The following PACRG variants were observed in gnomAD, a reference collection of about 807,000 sequenced individuals.
PACRG encodes parkin coregulated.
Under a neutral mutation model 29.7 loss-of-function variants are expected in PACRG, and 29 were observed. The ratio of observed to expected loss-of-function variants is 0.98; its 90% CI spans 0.73 to 1.33. The LOEUF (loss-of-function observed/expected upper bound fraction) is 1.33. Among genes scored for constraint, PACRG ranks in the 40% most tolerant of loss-of-function variants. The pLI, the probability that PACRG is intolerant of heterozygous loss-of-function variation, is 0.00. For synonymous variants in PACRG, 116 were observed against 118.7 expected (o/e 0.98, Z 0.15); for missense variants, 279 against 316.2 (o/e 0.88, Z 0.89).
intron 4 of PACRG, among the ~76,000 whole-genome samples, chr6:163,155,941 C>T (rs1313817532): frequency 6.6e-6 from 1 of 152,220 alleles, no homozygotes; most frequent in Non-Finnish European, 1.5e-5. Flanking sequence ...ATGTCCTTTC[C>T]CCTCTTTTCT....
intron 1 of PACRG, among the ~76,000 whole-genome samples, chr6:162,765,963 AT>A (rs1353586481): frequency 6.6e-6 from 1 of 152,160 alleles, no homozygotes; most frequent in Non-Finnish European, 1.5e-5. Flanking sequence ...ATATTTGTGT[AT>A]ACTTACAGAG....
intron 4 of PACRG, among the ~76,000 whole-genome samples, chr6:163,220,946 C>G (rs144318633): frequency 6.6e-6 from 1 of 152,278 alleles, no homozygotes; most frequent in East Asian, 1.9e-4. Flanking sequence ...GCAACTTGGG[C>G]TCTGCATCAC....
At chr6:163,262,769 C>T (rs1783376010) in intron 4 of PACRG, among the ~76,000 whole-genome samples, 2 of 151,780 alleles carry the variant, frequency 1.3e-5, no homozygotes, top group Non-Finnish European at 2.9e-5. Context: ...AGGCCAGGTG[C>T]AGTGGCTCAC....
chr6:163,004,739 C>T (rs201246782), intron 2 of PACRG, among the ~76,000 whole-genome samples: 2,367 of 62,852 alleles, frequency 0.038, 89 homozygotes, highest in East Asian at 0.36. Flanking sequence ...TATATATATA[C>T]ACACACACAC....
intron 2 of PACRG, among the ~76,000 whole-genome samples, chr6:163,020,818 G>T (rs73591714): frequency 0.022 from 3,378 of 152,156 alleles, 123 homozygotes; most frequent in African/African-American, 0.077. Flanking sequence ...TTGGAAGGAA[G>T]AGCTGTAGCC....
In PACRG at chr6:163,146,890, T is replaced by G. The variant is rs1324979223; in HGVS notation, c.613+57482T>G. Reference sequence around the variant, plus strand: ...CATTTTCACAATATTCCTCTGAAAATGTAGGCAATATTATGCCACCTTGCG... The same window carrying G: ...CATTTTCACAATATTCCTCTGAAAAGGTAGGCAATATTATGCCACCTTGCG... On this transcript the variant is annotated intron_variant, in intron 4 of 4. Transcript: ENST00000366888. Among the ~76,000 whole-genome samples the G allele has an allele frequency of 2.0e-5, 3 of 152,360 alleles. No homozygotes were observed. In the East Asian group the frequency reaches 5.8e-4, roughly 29 times the overall value.
At chr6:163,207,847 A>C (rs1047100364) in intron 4 of PACRG, among the ~76,000 whole-genome samples, 7 of 152,258 alleles carry the variant, frequency 4.6e-5, no homozygotes, top group South Asian at 2.1e-4. Flanking sequence ...AAAAATATGA[A>C]TCACTGTTCA....
chr6:162,921,625 A>C (rs1057271754), intron 2 of PACRG, among the ~76,000 whole-genome samples: 1 of 152,200 alleles, frequency 6.6e-6, no homozygotes, highest in Non-Finnish European at 1.5e-5. Context: ...CCATGTGAAA[A>C]GTAAGCAAAT....
At position 163,133,384 on chromosome 6, in the gene PACRG, T is replaced by C. The variant is rs577842362; in HGVS notation, c.613+43976T>C. 3.9e-5 allele frequency among the ~76,000 whole-genome samples: 6 copies of C among 152,236 alleles called. No homozygotes were observed. In the South Asian group the frequency reaches 1.2e-3, roughly 32 times the overall value. On this transcript the variant is annotated intron_variant, in intron 4 of 4. Coordinates refer to ENST00000366888, the MANE Select transcript of PACRG (RefSeq NM_001080379.2). ...TCTGCATCAAGGAGAAATGTGTACC[T>C]GATGTTTATCATGGAAGAGAAGAAT...
chr6:162,956,835 C>T (rs1584864729), intron 2 of PACRG, among the ~76,000 whole-genome samples: 2 of 152,106 alleles, frequency 1.3e-5, no homozygotes, highest in Admixed American at 1.3e-4. Flanking sequence ...ATCACGAGGC[C>T]CTGGGGGTTA....
intron 4 of PACRG, among the ~76,000 whole-genome samples, chr6:163,152,480 C>A (rs948351648): frequency 2.6e-5 from 4 of 152,202 alleles, no homozygotes; most frequent in Non-Finnish European, 5.9e-5. Context: ...TTTAACACAT[C>A]TAGATCCCTC....
intron 4 of PACRG, among the ~76,000 whole-genome samples, chr6:163,301,183 C>T (rs530267160): frequency 6.6e-6 from 1 of 152,288 alleles, no homozygotes; most frequent in East Asian, 1.9e-4. Flanking sequence ...AGCCAGCAGT[C>T]TAGGGAATGG....
intron 2 of PACRG, among the ~76,000 whole-genome samples, chr6:163,031,875 T>C (rs948620494): frequency 1.6e-4 from 25 of 152,310 alleles, no homozygotes; most frequent in African/African-American, 6.0e-4. Flanking sequence ...GACTGTATAA[T>C]AGGCAAGGTA....
At chr6:163,038,772 CA>C (rs1399378399) in intron 2 of PACRG, among the ~76,000 whole-genome samples, 1 of 152,114 alleles carries the variant, frequency 6.6e-6, no homozygotes, top group Non-Finnish European at 1.5e-5. Context: ...ACTGCTGTTA[CA>C]GAGGGTTTAA....
chr6:163,210,872 A>C (rs758034149), intron 4 of PACRG, among the ~76,000 whole-genome samples: 1 of 152,344 alleles, frequency 6.6e-6, no homozygotes, highest in Admixed American at 6.5e-5. Flanking sequence ...GGTTCATCCC[A>C]AGGCAGCCAA....
At chr6:162,842,156 A>C (rs377016747) in intron 2 of PACRG, among the ~76,000 whole-genome samples, 1 of 149,220 alleles carries the variant, frequency 6.7e-6, no homozygotes, top group Non-Finnish European at 1.5e-5. Flanking sequence ...ATCCTTGTTG[A>C]CTTTCTATCT....
chr6:163,233,145 C>T (rs1782111142), intron 4 of PACRG, among the ~76,000 whole-genome samples: 1 of 152,242 alleles, frequency 6.6e-6, no homozygotes, highest in Non-Finnish European at 1.5e-5. Context: ...TTGCTGCAAT[C>T]CATCTTCAAT....
At chr6:162,812,640 A>G (rs1458699960) in intron 1 of PACRG, among the ~76,000 whole-genome samples, 2 of 152,022 alleles carry the variant, frequency 1.3e-5, no homozygotes, top group Non-Finnish European at 2.9e-5. Flanking sequence ...TTCAAGATTT[A>G]CTCCTCCATG....
At chr6:162,981,305 A>ATATATATATATATATATATATATATATT (rs925663285) in intron 2 of PACRG, among the ~76,000 whole-genome samples, 83 of 149,120 alleles carry the variant, frequency 5.6e-4, no homozygotes, top group Middle Eastern at 7.1e-3. Context: ...ATATATATAT[A>ATATATATATATATATATATATATATATT]TTTACAATGG....
Sources: allele counts gnomAD v4.1 joint callset (sites outside exome capture counted in the v4.1 genomes callset), GRCh38; gene constraint gnomAD v4.1.1; transcripts MANE v1.5; gene names NCBI Gene and HGNC (gene_info 2026-07-23, HGNC 2026-07-21).